SNRPC: variants seen among roughly 807,000 people sequenced by gnomAD.
SNRPC encodes the protein U1 small nuclear ribonucleoprotein C.
In SNRPC, 5 loss-of-function variants were observed where a neutral mutation model predicts 20.0. The ratio of observed to expected loss-of-function variants is 0.25; its 90% CI spans 0.13 to 0.53. The LOEUF is 0.53. Among genes scored for constraint, SNRPC ranks in the 20% least tolerant of loss-of-function variants. The probability of loss-of-function intolerance (pLI) is 0.96; values close to 1 mark genes in which losing one functional copy is unlikely to be tolerated. For synonymous variants in SNRPC, 61 were observed against 58.7 expected, an observed-to-expected ratio of 1.04 and a Z score of -0.18; for missense variants, 112 against 224.1, an observed-to-expected ratio of 0.50 and a Z score of 3.19.
At chr6:34,761,449 T>C (rs895696914) in intron 2 of SNRPC, among the ~76,000 whole-genome samples, 1 of 151,756 alleles carries the variant, frequency 6.6e-6, no homozygotes, top group African/African-American at 2.4e-5. Context: ...CTAGTCATGA[T>C]TTTGTTATTA....
intron 2 of SNRPC, among the ~76,000 whole-genome samples, chr6:34,761,287 G>A (rs1764532211): frequency 6.6e-6 from 1 of 150,844 alleles, no homozygotes; most frequent in African/African-American, 2.4e-5. Context: ...TTACAGGCGC[G>A]TGCCATCATG....
chr6:34,773,400 A>G lies in SNRPC; in HGVS notation c.356-46A>G, dbSNP rs1581594668. The stretch of plus-strand genomic sequence containing the variant: ...TCCCATCAAACTCTCCCTAAATCGT[A>G]TTTTCTGACTCCCTTTTTCTCCCTC... On this transcript the variant is annotated intron_variant, in intron 5 of 5. Coordinates refer to ENST00000244520, the MANE Select transcript of SNRPC (RefSeq NM_003093.3). The surrounding 1 kb of genome is among the most constrained non-coding windows in gnomAD (Gnocchi z 4.1). 6.3e-7 allele frequency: 1 copy of G among 1,590,820 alleles called. No homozygotes were observed. Among genetic ancestry groups the G allele is most frequent in the Non-Finnish European group, 8.6e-7 (1 of 1,164,178 alleles).
At chr6:34,759,038 A>AAAG (rs1764497721) in intron 2 of SNRPC, among the ~76,000 whole-genome samples, 2 of 141,022 alleles carry the variant, frequency 1.4e-5, no homozygotes, top group African/African-American at 5.4e-5. Context: ...AAAAAAAAAA[A>AAAG]AAAAAAAGAA....
chr6:34,759,479 T>C (rs1024200190), intron 2 of SNRPC, among the ~76,000 whole-genome samples: 1 of 152,370 alleles, frequency 6.6e-6, no homozygotes, highest in East Asian at 1.9e-4. Context: ...GCAACACAAG[T>C]GGCTTTGTCT....
intron 2 of SNRPC, among the ~76,000 whole-genome samples, chr6:34,761,513 A>ATTTTTTTTTTTTTTTTTTTTTTTTTTTTT (rs869059984): frequency 1.2e-5 from 1 of 85,648 alleles, no homozygotes; most frequent in Non-Finnish European, 2.1e-5. Context: ...ACAAGGAACA[A>ATTTTTTTTTTTTTTTTTTTTTTTTTTTTT]TTTTTTTTTT....
At position 34,757,561 on chromosome 6, in the gene SNRPC, G is replaced by A. The variant is rs374570452; in HGVS notation, c.8+10G>A. On this transcript the variant is annotated intron_variant, in intron 1 of 5. Transcript: ENST00000244520. ...AGAGCAACATGCCCAAGTGAGTGGG[G>A]CCCCGAAATCTGAGGGTGATCGTAG... The A allele has an allele frequency of 5.6e-6, 9 of 1,612,798 alleles. No homozygotes were observed. In the African/African-American group the frequency reaches 1.1e-4, roughly 19 times the overall value.
intron 2 of SNRPC, among the ~76,000 whole-genome samples, chr6:34,759,305 A>G (rs914993785): frequency 6.6e-6 from 1 of 152,206 alleles, no homozygotes; most frequent in Non-Finnish European, 1.5e-5. Context: ...TCAAAGAGGC[A>G]GCTGGGCTGG....
chr6:34,767,798 G>A, intron 3 of SNRPC, 110 bp from the exon 4 acceptor site: 1 of 1,106,138 alleles, frequency 9.0e-7, no homozygotes, highest in Non-Finnish European at 1.2e-6. Context: ...CAACTAGCAA[G>A]AGTAAAGTAA....
At chr6:34,762,155 T>C (rs1225608863) in intron 2 of SNRPC, among the ~76,000 whole-genome samples, 1 of 152,088 alleles carries the variant, frequency 6.6e-6, no homozygotes, top group Non-Finnish European at 1.5e-5. Context: ...AATTAAAAAG[T>C]TGGCTGGTCA....
In SNRPC at chr6:34,773,671, AAGACTTGCTCCC is replaced by A; in HGVS notation, c.*102_*113del. ...ACTGAGTTTTCTAAACAGCATAAGG[AAGACTTGCTCCC>A]CTGTCCTATGAAAGAGAATAGTTTT... On this transcript the variant is annotated 3_prime_UTR_variant, in exon 6 of 6. Coordinates refer to ENST00000244520, the MANE Select transcript of SNRPC (RefSeq NM_003093.3). The surrounding 1 kb of genome is among the most constrained non-coding windows in gnomAD (Gnocchi z 4.1). 9.5e-7 allele frequency: 1 copy of A among 1,050,070 alleles called. No homozygotes were observed. The highest frequency in any genetic ancestry group is 2.4e-5 in the East Asian group (1 of 41,408). The allele number at this position is 1,050,070 out of a possible 1,614,324, so 65.0% of individuals were successfully genotyped here.
intron 2 of SNRPC, 45 bp from the exon 3 acceptor site, chr6:34,762,549 GT>G (rs1382430623): frequency 2.0e-6 from 2 of 1,015,268 alleles, no homozygotes; most frequent in Non-Finnish European, 3.1e-6. Context: ...AATTTTTAGT[GT>G]TGGACATTTG....
At position 34,769,736 on chromosome 6, in the gene SNRPC, A is replaced by AT. The variant is rs759400947; in HGVS notation, c.251-549dup. On this transcript the variant is annotated intron_variant, in intron 4 of 5. Transcript: ENST00000244520. ...TTTGTTTTTTTAAATTAAAATCTCAATTTTTTCTTAACCTAGGGAATCTGA... is the reference window on the plus strand; with the variant it reads ...TTTGTTTTTTTAAATTAAAATCTCAATTTTTTTCTTAACCTAGGGAATCTGA... Among the ~76,000 whole-genome samples, 20 of 151,832 alleles carry AT rather than the reference A, an allele frequency of 1.3e-4. 1 individual carries two copies. In the South Asian group the frequency reaches 3.3e-3, roughly 25 times the overall value.
chr6:34,767,910 G>A lies in SNRPC; in HGVS notation c.163G>A (p.Ala55Thr), dbSNP rs1457087064. 2 of 1,492,692 alleles carry A rather than the reference G, an allele frequency of 1.3e-6. No homozygotes were observed. Among genetic ancestry groups the A allele is most frequent in the African/African-American group, 1.7e-5 (1 of 59,404 alleles). 92.5% of individuals were successfully genotyped at this position (1,492,692 alleles called of 1,614,324 possible). A position where few individuals can be genotyped will look rare whatever the true frequency, so the allele number is the denominator to read the frequency against. The stretch of plus-strand genomic sequence containing the variant: ...TTTTTTTTCCTCACCCTCCAAAGCG[G>A]CTGCATTTCAACAAGGAAAGATACC... ...QAQSLIDKTT[A>T]AFQQGKIPPT... The change falls in exon 4 of 6, where the codon GCT becomes ACT. Residue 55 changes from alanine (A) to threonine (T), a missense_variant and splice_region_variant. Ala to Thr is a moderately conservative substitution (Grantham distance 58). This residue lies in a region of SNRPC where 45 missense variants were observed against 48.6 expected (regional missense o/e 0.93). Transcript: ENST00000244520.
intron 5 of SNRPC, among the ~76,000 whole-genome samples, chr6:34,772,181 G>A (rs1764700310): frequency 6.6e-6 from 1 of 152,066 alleles, no homozygotes; most frequent in Non-Finnish European, 1.5e-5. Context: ...GCTGGATGAT[G>A]GATACATGGA....
intron 5 of SNRPC, among the ~76,000 whole-genome samples, chr6:34,772,062 A>G (rs1764698863): frequency 6.6e-6 from 1 of 152,172 alleles, no homozygotes; most frequent in Admixed American, 6.6e-5. Context: ...GGATAAAATG[A>G]TAAGATTGTG....
Position 34,768,885 on chromosome 6 carries a change from C to CT in SNRPC, c.250+889dup, listed in dbSNP as rs143535021. ...GTGACAGACAAGAGGAGACTGAGTG[C>CT]TGTACTGGGTCGTACTGTACTGTAG... On this transcript the variant is annotated intron_variant, in intron 4 of 5. Coordinates refer to ENST00000244520, the MANE Select transcript of SNRPC (RefSeq NM_003093.3). 5.6e-3 allele frequency among the ~76,000 whole-genome samples: 850 copies of CT among 152,242 alleles called. 7 individuals are homozygous for CT. Among genetic ancestry groups the CT allele is most frequent in the African/African-American group, 0.018 (738 of 41,552 alleles).
intron 5 of SNRPC, among the ~76,000 whole-genome samples, chr6:34,771,349 A>AAAAAAAG (rs1554122597): frequency 7.1e-6 from 1 of 140,880 alleles, no homozygotes. Context: ...AAAAAAAAAA[A>AAAAAAAG]GTGTGTCTAA....
In SNRPC at chr6:34,773,584, G is replaced by A. The variant is rs979077349; in HGVS notation, c.*14G>A. On this transcript the variant is annotated 3_prime_UTR_variant, in exon 6 of 6. Transcript: ENST00000244520. This position sits in a 1 kb window ranked among gnomAD's most constrained non-coding sequence, Gnocchi z 4.1. Reference sequence around the variant, plus strand: ...CCAGACAGATAAGGATAGAGGGGAGGCCTTATTGTATCGGTTTTATATTAC... The same window carrying A: ...CCAGACAGATAAGGATAGAGGGGAGACCTTATTGTATCGGTTTTATATTAC... 1.2e-6 allele frequency: 2 copies of A among 1,611,508 alleles called. No homozygotes were observed. The highest frequency in any genetic ancestry group is 1.7e-6 in the Non-Finnish European group (2 of 1,178,626).
intron 3 of SNRPC, among the ~76,000 whole-genome samples, chr6:34,765,425 T>G (rs1487950726): frequency 6.6e-6 from 1 of 151,000 alleles, no homozygotes; most frequent in African/African-American, 2.4e-5. Context: ...ATATATTTAT[T>G]TATTTATTTA....
Sources: gnomAD v4.1 joint callset for allele counts (sites outside exome capture counted in the v4.1 genomes callset) on GRCh38, gnomAD v4.1.1 for gene constraint, gnomAD v4.1.1 regional missense constraint, Gnocchi (gnomAD v3.1) non-coding constraint, MANE v1.5 for transcripts, NCBI Gene and HGNC (gene_info 2026-07-23, HGNC 2026-07-21) for gene names.